SLC2A9: variants seen among roughly 807,000 people sequenced by gnomAD.
The protein encoded by SLC2A9 is solute carrier family 2 member 9.
Under a neutral mutation model 50.6 loss-of-function variants are expected in SLC2A9, and 39 were observed. That is an observed-to-expected ratio of 0.77 (90% CI 0.60 to 1.01). The LOEUF is 1.01. Ranked by LOEUF, SLC2A9 falls within the 50% of genes least tolerant of loss-of-function variation. SLC2A9 has a pLI of 0.00. For synonymous variants in SLC2A9, 324 were observed against 276.9 expected, an observed-to-expected ratio of 1.17 and a Z score of -1.69; for missense variants, 686 against 677.6, an observed-to-expected ratio of 1.01 and a Z score of -0.14.
At chr4:9,805,188 G>T (rs1721960602) in intron 3 of SLC2A9, among the ~76,000 whole-genome samples, 1 of 152,134 alleles carries the variant, frequency 6.6e-6, no homozygotes, top group Admixed American at 6.5e-5. Flanking sequence ...TTACTTTCTT[G>T]CTCATACTGC....
intron 3 of SLC2A9, among the ~76,000 whole-genome samples, chr4:9,817,174 C>A (rs1272266074): frequency 6.6e-6 from 1 of 152,178 alleles, no homozygotes; most frequent in African/African-American, 2.4e-5. Context: ...ATTGGGTTTA[C>A]CCAGTCATCC....
chr4:9,894,065 G>A (rs1393424458), intron 8 of SLC2A9, among the ~76,000 whole-genome samples: 1 of 152,106 alleles, frequency 6.6e-6, no homozygotes, highest in Non-Finnish European at 1.5e-5. Context: ...CCACACCCTT[G>A]GACTCAGTCA....
At chr4:9,949,893 C>T (rs1270156058) in intron 5 of SLC2A9, among the ~76,000 whole-genome samples, 1 of 152,204 alleles carries the variant, frequency 6.6e-6, no homozygotes, top group African/African-American at 2.4e-5. Flanking sequence ...ATGCTTCCTG[C>T]TTGTTTAGCA....
At chr4:9,949,504 A>G (rs1374114930) in intron 5 of SLC2A9, among the ~76,000 whole-genome samples, 1 of 152,212 alleles carries the variant, frequency 6.6e-6, no homozygotes, top group Non-Finnish European at 1.5e-5. Context: ...TAGAAGAGAA[A>G]ATGTAGACCT....
At chr4:9,884,223 A>G (rs1231264574) in intron 10 of SLC2A9, among the ~76,000 whole-genome samples, 1 of 152,254 alleles carries the variant, frequency 6.6e-6, no homozygotes, top group Non-Finnish European at 1.5e-5. Flanking sequence ...CAGACTGCAC[A>G]TGTGAAACAT....
chr4:10,036,735 C>A (rs571680543), intron 1 of SLC2A9, among the ~76,000 whole-genome samples: 2 of 152,360 alleles, frequency 1.3e-5, no homozygotes, highest in Admixed American at 1.3e-4. Context: ...CCTCCATCAT[C>A]CAGATTCTAT....
intron 3 of SLC2A9, among the ~76,000 whole-genome samples, chr4:9,785,134 C>T (rs1377241163): frequency 1.3e-5 from 2 of 152,178 alleles, no homozygotes; most frequent in Admixed American, 1.3e-4. Context: ...CAGTGAAAAG[C>T]ACCCAGCTCT....
chr4:9,894,110 T>A (rs1008592674), intron 8 of SLC2A9, among the ~76,000 whole-genome samples: 1 of 152,180 alleles, frequency 6.6e-6, no homozygotes, highest in East Asian at 1.9e-4. Context: ...AGGAAATAGA[T>A]GTTTGGTCAA....
rs1718627096 is a variant in SLC2A9, at chr4:9,782,670, C to T, written n.386-2605G>A. On this transcript the variant is annotated intron_variant and non_coding_transcript_variant, in intron 3 of 3. Transcript: ENST00000503803. Reference sequence around the variant, plus strand: ...GACTTTTGGGAGCCCGACGTGAATGCAGAGAACTGTGACTCCAGCCTGAAT... The same window carrying T: ...GACTTTTGGGAGCCCGACGTGAATGTAGAGAACTGTGACTCCAGCCTGAAT... The T allele has an allele frequency of 1.9e-6, 3 of 1,614,036 alleles. No homozygotes were observed. In the South Asian group the frequency reaches 3.3e-5, roughly 18 times the overall value.
At chr4:9,940,053 G>A (rs550597397) in intron 6 of SLC2A9, among the ~76,000 whole-genome samples, 1 of 152,216 alleles carries the variant, frequency 6.6e-6, no homozygotes, top group South Asian at 2.1e-4. Flanking sequence ...TCACTGTCTG[G>A]CATTGACATG....
intron 2 of SLC2A9, chr4:10,006,681 G>A (rs4543113): frequency 0.58 from 88,817 of 151,824 alleles, 26,551 homozygotes; most frequent in East Asian, 0.88. Flanking sequence ...TCCTAGAAAA[G>A]CCTGCTGCAG....
upstream of SLC2A9, among the ~76,000 whole-genome samples, chr4:10,022,337 C>T (rs150052752): frequency 5.9e-5 from 9 of 152,306 alleles, no homozygotes; most frequent in African/African-American, 1.4e-4. Flanking sequence ...AGAACAAAGG[C>T]GAGGGCTGTG....
At chr4:10,029,981 G>C (rs1372639134) in intron 1 of SLC2A9, among the ~76,000 whole-genome samples, 2 of 151,908 alleles carry the variant, frequency 1.3e-5, no homozygotes, top group African/African-American at 2.4e-5. Context: ...TGCAAGGTGT[G>C]GTGCTGTTTA....
At chr4:9,855,312 A>G (rs1043412472) in intron 10 of SLC2A9, among the ~76,000 whole-genome samples, 4 of 152,186 alleles carry the variant, frequency 2.6e-5, no homozygotes, top group African/African-American at 9.6e-5. Context: ...TCTGTACACC[A>G]ACAACATCCA....
chr4:9,805,579 T>C (rs564515797), intron 3 of SLC2A9, among the ~76,000 whole-genome samples: 35 of 151,922 alleles, frequency 2.3e-4, no homozygotes, highest in South Asian at 8.3e-4. Context: ...CAGGTGCTTG[T>C]AGTCTTACCT....
chr4:9,796,758 A>T (rs982697940), downstream of SLC2A9, among the ~76,000 whole-genome samples: 1 of 152,168 alleles, frequency 6.6e-6, no homozygotes, highest in African/African-American at 2.4e-5. Context: ...TATTTGCTTC[A>T]CTTGGCTGTC....
chr4:9,823,463 T>G (rs1328778041), downstream of SLC2A9, among the ~76,000 whole-genome samples: 1 of 152,066 alleles, frequency 6.6e-6, no homozygotes, highest in Non-Finnish European at 1.5e-5. Context: ...TTTATTTCAT[T>G]GAATATCATA....
chr4:10,022,588 G>A (rs754392505), upstream of SLC2A9, among the ~76,000 whole-genome samples: 2 of 152,246 alleles, frequency 1.3e-5, no homozygotes, highest in Non-Finnish European at 2.9e-5. Context: ...GAAGCAGAGA[G>A]CAGTGCAGAG....
At chr4:9,908,191 T>A (rs1229326395) in intron 8 of SLC2A9, 44 bp downstream of exon 8, 1 of 1,311,446 alleles carries the variant, frequency 7.6e-7, no homozygotes, top group Non-Finnish European at 1.1e-6. Context: ...CTGTGCTGTG[T>A]AACCCCCTGT....
Sources: gnomAD v4.1 joint callset for allele counts (sites outside exome capture counted in the v4.1 genomes callset) on GRCh38, gnomAD v4.1.1 for gene constraint, MANE v1.5 for transcripts, NCBI Gene and HGNC (gene_info 2026-07-23, HGNC 2026-07-21) for gene names.